Variants in SYN3 observed in about 807,000 individuals in gnomAD.
SYN3 encodes the protein synapsin-3.
In SYN3, 35 loss-of-function variants were observed where a neutral mutation model predicts 65.8. The observed-to-expected ratio is 0.53, with a 90% CI of 0.41 to 0.70. SYN3 has a LOEUF of 0.70. SYN3 is among the 30% of genes least tolerant of loss of function. The probability of loss-of-function intolerance (pLI) is 0.00; values close to 1 mark genes in which losing one functional copy is unlikely to be tolerated. For missense variants in SYN3, 680 were observed against 749.0 expected, an observed-to-expected ratio of 0.91 and a Z score of 1.08; for synonymous variants, 270 against 292.9, an observed-to-expected ratio of 0.92 and a Z score of 0.80.
chr22:32,962,031 T>C (rs2051669461), intron 3 of SYN3, among the ~76,000 whole-genome samples: 2 of 151,820 alleles, frequency 1.3e-5, no homozygotes, highest in Admixed American at 6.6e-5. Context: ...TCTCAAAATA[T>C]GGCTTCTTCC....
intron 4 of SYN3, among the ~76,000 whole-genome samples, chr22:32,929,258 G>A (rs2050563102): frequency 6.6e-6 from 1 of 152,000 alleles, no homozygotes; most frequent in Admixed American, 6.6e-5. Flanking sequence ...CTCCAGCCTG[G>A]GCAACAAGAG....
intron 4 of SYN3, among the ~76,000 whole-genome samples, chr22:32,924,518 C>T (rs1240517647): frequency 6.6e-6 from 1 of 152,206 alleles, no homozygotes; most frequent in Non-Finnish European, 1.5e-5. Flanking sequence ...GGAGCTTGTT[C>T]ACATCCTTGC....
intron 1 of SYN3, among the ~76,000 whole-genome samples, chr22:33,042,715 G>A (rs1179622189): frequency 6.6e-6 from 1 of 152,162 alleles, no homozygotes; most frequent in African/African-American, 2.4e-5. Flanking sequence ...GAAATCCGAC[G>A]ATCCTGGAGC....
intron 6 of SYN3, among the ~76,000 whole-genome samples, chr22:32,781,941 G>T (rs530143903): frequency 6.6e-6 from 1 of 151,778 alleles, no homozygotes; most frequent in Non-Finnish European, 1.5e-5. Context: ...TTCTTATTTC[G>T]CAATGAAGTT....
intron 6 of SYN3, among the ~76,000 whole-genome samples, chr22:32,816,873 A>C (rs932243358): frequency 6.6e-6 from 1 of 152,122 alleles, no homozygotes; most frequent in African/African-American, 2.4e-5. Flanking sequence ...GTACTGTGGG[A>C]AGGCCTAAAT....
At chr22:32,790,206 C>A (rs2046290763) in intron 6 of SYN3, among the ~76,000 whole-genome samples, 1 of 152,078 alleles carries the variant, frequency 6.6e-6, no homozygotes, top group Non-Finnish European at 1.5e-5. Flanking sequence ...TCCATCATAG[C>A]CAATTTTAAG....
chr22:33,011,682 C>G (rs528716568), intron 1 of SYN3, among the ~76,000 whole-genome samples: 48 of 152,060 alleles, frequency 3.2e-4, no homozygotes, highest in Non-Finnish European at 4.7e-4. Context: ...CAGAATTCAA[C>G]AGTGAAACCA....
At chr22:32,644,765 C>A (rs1271709626) in intron 6 of SYN3, among the ~76,000 whole-genome samples, 1 of 152,154 alleles carries the variant, frequency 6.6e-6, no homozygotes, top group Non-Finnish European at 1.5e-5. Context: ...GCCTCTATCC[C>A]GTGGCCTCCT....
intron 2 of SYN3, among the ~76,000 whole-genome samples, chr22:32,998,304 T>C (rs2145756202): frequency 6.6e-6 from 1 of 152,232 alleles, no homozygotes; most frequent in East Asian, 1.9e-4. Context: ...TAATCCTTGT[T>C]TGGTAGGAAG....
intron 7 of SYN3, chr22:32,584,188 C>T (rs1264331600): frequency 6.6e-6 from 1 of 152,240 alleles, no homozygotes; most frequent in Non-Finnish European, 1.5e-5. Flanking sequence ...GATTATTAAA[C>T]TCTTTCTTTG....
At chr22:32,905,495 T>C (rs1249976660) in intron 4 of SYN3, among the ~76,000 whole-genome samples, 1 of 152,236 alleles carries the variant, frequency 6.6e-6, no homozygotes, top group African/African-American at 2.4e-5. Context: ...AATTCCTGAC[T>C]GCAGACACAG....
intron 6 of SYN3, among the ~76,000 whole-genome samples, chr22:32,698,145 T>A (rs1279459368): frequency 6.6e-6 from 1 of 152,186 alleles, no homozygotes; most frequent in East Asian, 1.9e-4. Flanking sequence ...TGGCAATAGA[T>A]AACTGATACA....
intron 1 of SYN3, among the ~76,000 whole-genome samples, chr22:33,016,285 G>C (rs2053465719): frequency 6.6e-6 from 1 of 152,148 alleles, no homozygotes; most frequent in African/African-American, 2.4e-5. Context: ...CTTAAATGTA[G>C]TTATAGAAAT....
intron 6 of SYN3, among the ~76,000 whole-genome samples, chr22:32,732,312 C>A (rs1335529427): frequency 6.6e-6 from 1 of 152,224 alleles, no homozygotes; most frequent in Non-Finnish European, 1.5e-5. Flanking sequence ...TTAATCAGAT[C>A]TACTCAAGAA....
chr22:32,927,435 A>C (rs2146672872), intron 4 of SYN3, among the ~76,000 whole-genome samples: 1 of 151,744 alleles, frequency 6.6e-6, no homozygotes, highest in African/African-American at 2.4e-5. Context: ...TTTTTCATAG[A>C]GATGGAGTTT....
chr22:32,715,256 C>A (rs1037975321), intron 6 of SYN3, among the ~76,000 whole-genome samples: 1 of 151,840 alleles, frequency 6.6e-6, no homozygotes, highest in Non-Finnish European at 1.5e-5. Flanking sequence ...GGTTCCAGCA[C>A]ACTACTAAAG....
chr22:32,555,536 G>GT (rs2058482179), intron 7 of SYN3, among the ~76,000 whole-genome samples: 2 of 152,102 alleles, frequency 1.3e-5, no homozygotes, highest in Non-Finnish European at 2.9e-5. Context: ...GGACATACTG[G>GT]TTTTTTTAAA....
chr22:32,577,507 A>G (rs1037638241), intron 7 of SYN3, among the ~76,000 whole-genome samples: 1 of 152,210 alleles, frequency 6.6e-6, no homozygotes. Context: ...CAGCGTCTAC[A>G]CACACTTACA....
intron 6 of SYN3, among the ~76,000 whole-genome samples, chr22:32,607,490 C>T (rs2059388525): frequency 6.6e-6 from 1 of 152,156 alleles, no homozygotes; most frequent in African/African-American, 2.4e-5. Context: ...GTCAGGCACA[C>T]AGGAGGGCCC....
Sources: allele counts gnomAD v4.1 joint callset (sites outside exome capture counted in the v4.1 genomes callset), GRCh38; gene constraint gnomAD v4.1.1; transcripts MANE v1.5; gene names NCBI Gene and HGNC (gene_info 2026-07-23, HGNC 2026-07-21).